ANKS1B: variants seen among roughly 807,000 people sequenced by gnomAD.
ANKS1B encodes the protein ankyrin repeat and sterile alpha motif domain-containing protein 1B.
ANKS1B carries 36 observed loss-of-function variants against 148.3 expected under a neutral mutation model. That is an observed-to-expected ratio of 0.24 (90% CI 0.19 to 0.32). ANKS1B has a LOEUF of 0.32. Ranked by LOEUF, ANKS1B falls within the 10% of genes least tolerant of loss-of-function variation. The probability of loss-of-function intolerance (pLI) is 1.00; values close to 1 mark genes in which losing one functional copy is unlikely to be tolerated. For synonymous variants in ANKS1B, 542 were observed against 560.8 expected, an observed-to-expected ratio of 0.97 and a Z score of 0.47; for missense variants, 1,157 against 1,542.6, an observed-to-expected ratio of 0.75 and a Z score of 4.19.
intron 17 of ANKS1B, among the ~76,000 whole-genome samples, chr12:98,895,871 T>G (rs943382055): frequency 2.6e-5 from 4 of 152,232 alleles, no homozygotes; most frequent in Non-Finnish European, 2.9e-5. Context: ...CTCTCATGTT[T>G]AAAATCCCAT....
intron 22 of ANKS1B, chr12:98,795,552 A>C (rs995619496): frequency 9.5e-6 from 4 of 421,898 alleles, no homozygotes; most frequent in African/African-American, 8.4e-5. Flanking sequence ...GAGGAATCCC[A>C]GTGCCTTTTA....
chr12:98,914,635 G>GC (rs2099791646), intron 17 of ANKS1B, among the ~76,000 whole-genome samples: 1 of 151,578 alleles, frequency 6.6e-6, no homozygotes, highest in South Asian at 2.1e-4. Flanking sequence ...CAGCTCACTG[G>GC]CCTCCCTTCA....
chr12:99,820,355 A>G (rs943791154), intron 2 of ANKS1B, among the ~76,000 whole-genome samples: 1 of 152,002 alleles, frequency 6.6e-6, no homozygotes, highest in South Asian at 2.1e-4. Flanking sequence ...TTTAATTTTC[A>G]GTATGAAGGC....
chr12:99,677,440 A>C (rs1018442339), intron 8 of ANKS1B, among the ~76,000 whole-genome samples: 11 of 152,198 alleles, frequency 7.2e-5, no homozygotes, highest in Non-Finnish European at 5.9e-5. Flanking sequence ...GAGGAGAGGA[A>C]AGGGATGTGA....
chr12:99,130,290 G>A (rs1030146769), intron 15 of ANKS1B, among the ~76,000 whole-genome samples: 2 of 152,148 alleles, frequency 1.3e-5, no homozygotes, highest in Non-Finnish European at 2.9e-5. Flanking sequence ...CCATTTGGTT[G>A]GGAAGCTGGG....
At chr12:99,322,751 C>T (rs1057321788) in intron 12 of ANKS1B, among the ~76,000 whole-genome samples, 1 of 152,160 alleles carries the variant, frequency 6.6e-6, no homozygotes, top group African/African-American at 2.4e-5. Flanking sequence ...CCATCCAAAT[C>T]TCATCTTGAA....
At chr12:99,300,166 G>T (rs959104986) in intron 12 of ANKS1B, among the ~76,000 whole-genome samples, 2 of 152,100 alleles carry the variant, frequency 1.3e-5, no homozygotes, top group Non-Finnish European at 2.9e-5. Context: ...ATTAAAAGGA[G>T]TAAAATTGGA....
intron 2 of ANKS1B, 122 bp downstream of exon 2, chr12:99,825,187 T>C (rs1043486565): frequency 1.2e-5 from 9 of 774,076 alleles, no homozygotes; most frequent in East Asian, 2.8e-5. Flanking sequence ...ACCTGGTCCC[T>C]TTCCAAATTC....
intron 17 of ANKS1B, among the ~76,000 whole-genome samples, chr12:98,987,805 C>G (rs1246241268): frequency 6.6e-6 from 1 of 152,104 alleles, no homozygotes; most frequent in Non-Finnish European, 1.5e-5. Flanking sequence ...CATTATGTCA[C>G]CCCAAAGGGT....
chr12:99,844,568 G>A (rs895460878), intron 1 of ANKS1B, among the ~76,000 whole-genome samples: 10 of 152,028 alleles, frequency 6.6e-5, no homozygotes, highest in Non-Finnish European at 1.5e-4. Flanking sequence ...TTATTTCTGG[G>A]TTCTCTATTC....
intron 10 of ANKS1B, among the ~76,000 whole-genome samples, chr12:99,492,915 A>G (rs1294850194): frequency 6.6e-6 from 1 of 152,222 alleles, no homozygotes; most frequent in East Asian, 1.9e-4. Context: ...ATATATGACA[A>G]ACCCACAGCC....
At chr12:99,315,966 CAGCTTCAACCATGTCCCTACAA>C (rs1307672412) in intron 12 of ANKS1B, among the ~76,000 whole-genome samples, 3 of 152,108 alleles carry the variant, frequency 2.0e-5, no homozygotes, top group African/African-American at 7.2e-5. Flanking sequence ...TGATAGTTTC[CAGCTTCAACCATGTCCCTACAA>C]AGGACATGAA....
At chr12:99,947,269 A>C (rs1487203670) in intron 1 of ANKS1B, among the ~76,000 whole-genome samples, 5 of 149,734 alleles carry the variant, frequency 3.3e-5, no homozygotes, top group African/African-American at 1.2e-4. Flanking sequence ...AAAAAAAAAA[A>C]CAGAAAAGAA....
At chr12:98,789,044 T>C (rs10860369) in intron 22 of ANKS1B, among the ~76,000 whole-genome samples, 53,358 of 152,070 alleles carry the variant, frequency 0.35, 10,364 homozygotes, top group Non-Finnish European at 0.45. Flanking sequence ...TCAAGAGTTG[T>C]ACCCAGAATA....
rs116257323 is a variant in ANKS1B, at chr12:99,282,499, C to T, written c.1757-35635G>A. Among the ~76,000 whole-genome samples the T allele has an allele frequency of 8.4e-3, 1,283 of 152,096 alleles. 21 individuals carry two copies. Among genetic ancestry groups the T allele is most frequent in the African/African-American group, 0.029 (1,202 of 41,470 alleles). On this transcript the variant is annotated intron_variant, in intron 12 of 26. Transcript: ENST00000683438. ...AAAGACTACTCTGGCTACTCTTGTG[C>T]GAATAGACTGTAGGGAAGAGAAGGT...
intron 1 of ANKS1B, among the ~76,000 whole-genome samples, chr12:99,902,057 T>C (rs2093618353): frequency 6.6e-6 from 1 of 152,004 alleles, no homozygotes; most frequent in Non-Finnish European, 1.5e-5. Flanking sequence ...TAAACAACAA[T>C]AAACCAACAA....
At chr12:99,322,631 T>C (rs2085511173) in intron 12 of ANKS1B, among the ~76,000 whole-genome samples, 1 of 152,222 alleles carries the variant, frequency 6.6e-6, no homozygotes, top group African/African-American at 2.4e-5. Context: ...TATTCCATGC[T>C]ATGAGAACCC....
At chr12:99,222,377 G>A (rs544593737) in intron 14 of ANKS1B, among the ~76,000 whole-genome samples, 2 of 152,306 alleles carry the variant, frequency 1.3e-5, no homozygotes, top group African/African-American at 4.8e-5. Context: ...ACCTTGGGAA[G>A]CCAAGGCAGG....
At chr12:99,537,631 G>A (rs138940524) in intron 9 of ANKS1B, among the ~76,000 whole-genome samples, 143 of 152,084 alleles carry the variant, frequency 9.4e-4, no homozygotes, top group African/African-American at 3.2e-3. Flanking sequence ...AGAGTTGTTC[G>A]CACACTCTAT....
Sources: allele counts gnomAD v4.1 joint callset (sites outside exome capture counted in the v4.1 genomes callset), GRCh38; gene constraint gnomAD v4.1.1; transcripts MANE v1.5; gene names NCBI Gene and HGNC (gene_info 2026-07-23, HGNC 2026-07-21).